The following CTNNA3 variants were observed in gnomAD, a reference collection of about 807,000 sequenced individuals.
The protein encoded by CTNNA3 is catenin alpha-3.
A neutral mutation model predicts 95.7 loss-of-function variants in CTNNA3; 76 were observed. That is an observed-to-expected ratio of 0.79 (90% CI 0.66 to 0.96). The LOEUF (loss-of-function observed/expected upper bound fraction) is 0.96. Ranked by LOEUF, CTNNA3 falls within the 40% of genes least tolerant of loss-of-function variation. The pLI, the probability that CTNNA3 is intolerant of heterozygous loss-of-function variation, is 0.00. For missense variants in CTNNA3, 1,191 were observed against 1,089.8 expected (o/e 1.09, Z -1.31); for synonymous variants, 431 against 374.4 (o/e 1.15, Z -1.74).
chr10:66,513,805 G>A (rs1247332082), intron 11 of CTNNA3, among the ~76,000 whole-genome samples: 1 of 152,186 alleles, frequency 6.6e-6, no homozygotes. Flanking sequence ...ATGTGCTTTG[G>A]ATTTCTATGT....
chr10:67,478,138 A>G (rs909315929), intron 5 of CTNNA3, among the ~76,000 whole-genome samples: 2 of 152,346 alleles, frequency 1.3e-5, no homozygotes, highest in East Asian at 1.9e-4. Flanking sequence ...AAAAATAAGA[A>G]AAAACTATTT....
intron 13 of CTNNA3, among the ~76,000 whole-genome samples, chr10:66,132,108 C>T (rs2083131834): frequency 6.6e-6 from 1 of 152,122 alleles, no homozygotes; most frequent in African/African-American, 2.4e-5. Context: ...ACAGAGTAAA[C>T]AGACAACCTA....
intron 1 of CTNNA3, among the ~76,000 whole-genome samples, chr10:67,725,824 A>G (rs1564840741): frequency 1.3e-5 from 2 of 149,776 alleles, no homozygotes; most frequent in Admixed American, 6.8e-5. Context: ...CAAAATCTTG[A>G]TTTTTTTAAG....
chr10:66,584,385 G>A (rs780482946), intron 10 of CTNNA3, among the ~76,000 whole-genome samples: 1 of 151,740 alleles, frequency 6.6e-6, no homozygotes, highest in African/African-American at 2.4e-5. Context: ...TATAAATTTA[G>A]ACATGTTATA....
At chr10:65,978,844 T>C (rs1443977952) in intron 16 of CTNNA3, among the ~76,000 whole-genome samples, 1 of 152,212 alleles carries the variant, frequency 6.6e-6, no homozygotes, top group East Asian at 1.9e-4. Context: ...AAGTATTTTT[T>C]TCTTTGCTAT....
intron 10 of CTNNA3, among the ~76,000 whole-genome samples, chr10:66,571,155 C>A (rs2659993): frequency 0.99 from 151,489 of 152,310 alleles, 75,342 homozygotes; most frequent in Middle Eastern, 1. Context: ...TATTTCTAGA[C>A]GGAGAAACAA....
intron 7 of CTNNA3, among the ~76,000 whole-genome samples, chr10:66,894,301 C>G (rs946587972): frequency 6.6e-6 from 1 of 152,104 alleles, no homozygotes; most frequent in African/African-American, 2.4e-5. Flanking sequence ...ATACCGGAAA[C>G]CATATTCTAT....
intron 6 of CTNNA3, among the ~76,000 whole-genome samples, chr10:67,195,514 G>C (rs186394992): frequency 8.3e-6 from 1 of 121,202 alleles, no homozygotes; most frequent in Non-Finnish European, 1.7e-5. Context: ...TCGGGGGCGG[G>C]GGGCGGGTAG....
At chr10:67,143,672 G>A (rs1860702906) in intron 7 of CTNNA3, among the ~76,000 whole-genome samples, 1 of 151,994 alleles carries the variant, frequency 6.6e-6, no homozygotes, top group Non-Finnish European at 1.5e-5. Flanking sequence ...TCTAATCCAC[G>A]ATAACTACGT....
At chr10:67,093,265 T>C (rs1052691360) in intron 7 of CTNNA3, among the ~76,000 whole-genome samples, 1 of 151,944 alleles carries the variant, frequency 6.6e-6, no homozygotes, top group African/African-American at 2.4e-5. Flanking sequence ...AACTAGCTAG[T>C]TCAGACACTT....
At chr10:67,558,561 G>A (rs950697836) in intron 3 of CTNNA3, among the ~76,000 whole-genome samples, 6 of 152,358 alleles carry the variant, frequency 3.9e-5, no homozygotes, top group East Asian at 3.9e-4. Context: ...CGTGAGCGAC[G>A]CAGAAGACGG....
At chr10:66,171,560 T>A (rs72795358) in intron 13 of CTNNA3, among the ~76,000 whole-genome samples, 26,450 of 150,828 alleles carry the variant, frequency 0.18, 2,733 homozygotes, top group South Asian at 0.4. Flanking sequence ...AAAAAAAAAA[T>A]TTAATATAAA....
At chr10:66,910,282 G>A (rs560594017) in intron 7 of CTNNA3, among the ~76,000 whole-genome samples, 10 of 152,302 alleles carry the variant, frequency 6.6e-5, no homozygotes, top group African/African-American at 2.4e-4. Context: ...GTAAGTGCAA[G>A]TAATGACAAA....
chr10:67,158,390 A>C (rs57930837), intron 7 of CTNNA3, among the ~76,000 whole-genome samples: 32,641 of 152,054 alleles, frequency 0.21, 4,097 homozygotes, highest in African/African-American at 0.35. Context: ...AGAAATCATC[A>C]CTAATAAAAC....
intron 6 of CTNNA3, among the ~76,000 whole-genome samples, chr10:67,218,226 C>G (rs1478740961): frequency 6.6e-6 from 1 of 152,168 alleles, no homozygotes; most frequent in Non-Finnish European, 1.5e-5. Context: ...TCGGCACTCC[C>G]CAGATACAGA....
chr10:66,747,435 C>T (rs1183404570), intron 9 of CTNNA3, among the ~76,000 whole-genome samples: 1 of 152,184 alleles, frequency 6.6e-6, no homozygotes, highest in Non-Finnish European at 1.5e-5. Flanking sequence ...TCCGGTAAAA[C>T]TGCCTGCAGG....
intron 7 of CTNNA3, among the ~76,000 whole-genome samples, chr10:67,165,079 T>C (rs1234800817): frequency 6.6e-6 from 1 of 152,168 alleles, no homozygotes; most frequent in Non-Finnish European, 1.5e-5. Context: ...GAAGCATTAT[T>C]TGTAATAGCC....
chr10:66,821,778 C>T (rs1589293640), intron 7 of CTNNA3, among the ~76,000 whole-genome samples: 1 of 152,076 alleles, frequency 6.6e-6, no homozygotes, highest in Non-Finnish European at 1.5e-5. Context: ...CTTTTATCAT[C>T]GTATTTATTA....
chr10:67,039,557 T>A (rs530331178), intron 7 of CTNNA3, among the ~76,000 whole-genome samples: 1 of 152,276 alleles, frequency 6.6e-6, no homozygotes, highest in Admixed American at 6.5e-5. Context: ...GATACTTTTT[T>A]TGTTTAAAAA....
Sources: allele counts gnomAD v4.1 joint callset (sites outside exome capture counted in the v4.1 genomes callset), GRCh38; gene constraint gnomAD v4.1.1; transcripts MANE v1.5; gene names NCBI Gene and HGNC (gene_info 2026-07-23, HGNC 2026-07-21).